SAMSN1: variants seen among roughly 807,000 people sequenced by gnomAD.
SAMSN1 encodes SAM domain, SH3 domain and nuclear localization signals 1.
A neutral mutation model predicts 42.0 loss-of-function variants in SAMSN1; 31 were observed. That is an observed-to-expected ratio of 0.74 (90% CI 0.55 to 1.00). The LOEUF is 1.00. SAMSN1 is among the 50% of genes least tolerant of loss of function. SAMSN1 has a pLI of 0.00. For synonymous variants in SAMSN1, 178 were observed against 151.9 expected (o/e 1.17, Z -1.26); for missense variants, 464 against 439.4 (o/e 1.06, Z -0.50).
At chr21:14,640,821 C>T (rs968020037) in intron 2 of SAMSN1, among the ~76,000 whole-genome samples, 1 of 152,036 alleles carries the variant, frequency 6.6e-6, no homozygotes, top group Non-Finnish European at 1.5e-5. Context: ...TGTATACATA[C>T]ATACATGTTT....
chr21:14,646,918 T>A (rs1258981769), intron 1 of SAMSN1, among the ~76,000 whole-genome samples: 1 of 152,094 alleles, frequency 6.6e-6, no homozygotes, highest in African/African-American at 2.4e-5. Context: ...ATACAATGAA[T>A]ATACAAGAAT....
At chr21:14,572,631 C>T (rs1469247650) in intron 2 of SAMSN1, among the ~76,000 whole-genome samples, 3 of 152,110 alleles carry the variant, frequency 2.0e-5, no homozygotes, top group Admixed American at 2.0e-4. Context: ...AATGCTTTGC[C>T]TAATTCATAG....
At chr21:14,526,182 A>G (rs1422962211) in intron 1 of SAMSN1, among the ~76,000 whole-genome samples, 1 of 152,166 alleles carries the variant, frequency 6.6e-6, no homozygotes, top group East Asian at 1.9e-4. Flanking sequence ...TCATAACTTT[A>G]ATAAGGAATC....
chr21:14,545,091 C>T lies in SAMSN1; in HGVS notation c.57+1114G>A, dbSNP rs138065081. On this transcript the variant is annotated intron_variant, in intron 1 of 7. Transcript: ENST00000400566. ...CTAGCTACATTTTAAACTAAAGATGCTTGTCTATCCATTATTATGCATATG... is the reference window on the plus strand; with the variant it reads ...CTAGCTACATTTTAAACTAAAGATGTTTGTCTATCCATTATTATGCATATG... Among the ~76,000 whole-genome samples, 44 of 152,160 alleles carry T rather than the reference C, an allele frequency of 2.9e-4. 2 individuals are homozygous for T. In the East Asian group the frequency reaches 7.2e-3, roughly 25 times the overall value.
chr21:14,522,659 T>C (rs8132898), intron 1 of SAMSN1, among the ~76,000 whole-genome samples: 72,124 of 152,006 alleles, frequency 0.47, 17,326 homozygotes, highest in East Asian at 0.61. Context: ...TGATCTACTT[T>C]TCATCACAAA....
At chr21:14,532,980 C>A (rs1979363157) in intron 1 of SAMSN1, among the ~76,000 whole-genome samples, 1 of 152,060 alleles carries the variant, frequency 6.6e-6, no homozygotes, top group Non-Finnish European at 1.5e-5. Context: ...GTGATGTGAT[C>A]ATAGCTCACT....
intron 1 of SAMSN1, among the ~76,000 whole-genome samples, chr21:14,537,620 G>T (rs1239355033): frequency 6.6e-6 from 1 of 152,112 alleles, no homozygotes; most frequent in Non-Finnish European, 1.5e-5. Flanking sequence ...GTGCTGCCAG[G>T]TTGGAAAACT....
intron 2 of SAMSN1, among the ~76,000 whole-genome samples, chr21:14,637,047 C>T (rs1328974646): frequency 4.6e-5 from 7 of 152,130 alleles, no homozygotes; most frequent in Non-Finnish European, 7.3e-5. Flanking sequence ...TATGCCTCTG[C>T]GCCATCAGCA....
At chr21:14,516,702 T>A (rs1476193937) in intron 3 of SAMSN1, among the ~76,000 whole-genome samples, 190 bp downstream of exon 3, 1 of 152,218 alleles carries the variant, frequency 6.6e-6, no homozygotes. Context: ...ATGCATGATC[T>A]TTCTGAGTGT....
chr21:14,622,887 AC>A (rs1258388171), intron 2 of SAMSN1, among the ~76,000 whole-genome samples: 2 of 152,236 alleles, frequency 1.3e-5, no homozygotes, highest in African/African-American at 4.8e-5. Flanking sequence ...CAGGTTACCC[AC>A]AAAGGGAAGC....
intron 5 of SAMSN1, among the ~76,000 whole-genome samples, chr21:14,501,632 T>C (rs1222169634): frequency 6.6e-6 from 1 of 152,210 alleles, no homozygotes; most frequent in East Asian, 1.9e-4. Context: ...AATTTATCTA[T>C]GGTATAAAAT....
chr21:14,517,449 T>C (rs535438261), intron 2 of SAMSN1, among the ~76,000 whole-genome samples: 1 of 152,358 alleles, frequency 6.6e-6, no homozygotes, highest in East Asian at 1.9e-4. Flanking sequence ...GGCTGTAGCA[T>C]CTATCTGTGT....
At chr21:14,545,062 T>C (rs1042174261) in intron 1 of SAMSN1, among the ~76,000 whole-genome samples, 1 of 152,164 alleles carries the variant, frequency 6.6e-6, no homozygotes, top group Admixed American at 6.5e-5. Context: ...TCATGATACG[T>C]TATCTAGCTA....
chr21:14,491,202 G>A (rs415503), intron 7 of SAMSN1, among the ~76,000 whole-genome samples: 63,092 of 151,846 alleles, frequency 0.42, 13,629 homozygotes, highest in African/African-American at 0.5. Flanking sequence ...CTGCTCTGGC[G>A]TATTGACTAT....
Position 14,563,880 on chromosome 21 carries a change from C to T in SAMSN1, c.261+18256G>A, listed in dbSNP as rs1981024021. Among the ~76,000 whole-genome samples, 4 of 152,168 alleles carry T rather than the reference C, an allele frequency of 2.6e-5. No individual in the cohort carries two copies. In the South Asian group the frequency reaches 8.3e-4, roughly 32 times the overall value. On this transcript the variant is annotated intron_variant, in intron 2 of 8. Transcript: ENST00000285670. ...GTCAGCATAAGTAGTGGTAGAATAA[C>T]CTAAGTAGGAAAAGACTTAACAAGA...
intron 1 of SAMSN1, among the ~76,000 whole-genome samples, chr21:14,532,937 C>G (rs999624060): frequency 3.1e-4 from 47 of 151,968 alleles, no homozygotes; most frequent in African/African-American, 1.1e-3. Flanking sequence ...GAGACAGGGT[C>G]TCTTGCTCCA....
chr21:14,578,894 T>C (rs1244378996), intron 2 of SAMSN1, among the ~76,000 whole-genome samples: 1 of 152,124 alleles, frequency 6.6e-6, no homozygotes, highest in African/African-American at 2.4e-5. Context: ...ATGTCGCCTC[T>C]GACTACCTGC....
chr21:14,528,504 C>G lies in SAMSN1; in HGVS notation c.58-7283G>C, dbSNP rs12627615. ...GGCTCTGTGCTTATGTCCTGCTCCC[C>G]TGAGGATCTGTTTTGGCCCAACCTC... On this transcript the variant is annotated intron_variant, in intron 1 of 7. Coordinates refer to ENST00000400566, the MANE Select transcript of SAMSN1 (RefSeq NM_022136.5). 1.2e-4 allele frequency among the ~76,000 whole-genome samples: 19 copies of G among 152,296 alleles called. No homozygotes were observed. The East Asian group carries it at 3.5e-3, about 28-fold the overall frequency.
At chr21:14,569,971 TC>T (rs1981243214) in intron 2 of SAMSN1, among the ~76,000 whole-genome samples, 2 of 131,674 alleles carry the variant, frequency 1.5e-5, no homozygotes, top group Non-Finnish European at 3.1e-5. Flanking sequence ...AACTGTGGTG[TC>T]TTTAACCACT....
Sources: allele counts gnomAD v4.1 joint callset (sites outside exome capture counted in the v4.1 genomes callset), GRCh38; gene constraint gnomAD v4.1.1; transcripts MANE v1.5; gene names NCBI Gene and HGNC (gene_info 2026-07-23, HGNC 2026-07-21).